The following TAFA4 variants were observed in gnomAD, a reference collection of about 807,000 sequenced individuals.
TAFA4 encodes the protein TAFA chemokine like family member 4.
Under a neutral mutation model 21.1 loss-of-function variants are expected in TAFA4, and 20 were observed. The observed-to-expected ratio is 0.95, with a 90% CI of 0.67 to 1.38. TAFA4 has a LOEUF of 1.38. TAFA4 is among the 40% of genes most tolerant of loss of function. The probability of loss-of-function intolerance (pLI) is 0.00; values close to 1 mark genes in which losing one functional copy is unlikely to be tolerated. For missense variants in TAFA4, 211 were observed against 180.9 expected, an observed-to-expected ratio of 1.17 and a Z score of -0.95; for synonymous variants, 71 against 67.4, an observed-to-expected ratio of 1.05 and a Z score of -0.26.
intron 5 of TAFA4, among the ~76,000 whole-genome samples, chr3:68,737,303 G>C (rs1702261310): frequency 6.6e-6 from 1 of 152,122 alleles, no homozygotes; most frequent in African/African-American, 2.4e-5. Context: ...TCTTAAGGCA[G>C]GGTTTGCTTA....
intron 3 of TAFA4, among the ~76,000 whole-genome samples, chr3:68,831,892 T>A (rs964061115): frequency 6.6e-6 from 1 of 152,194 alleles, no homozygotes; most frequent in South Asian, 2.1e-4. Flanking sequence ...TTTTCACTCT[T>A]CTTTAATCTT....
chr3:68,802,778 C>T (rs1703603742), intron 3 of TAFA4, among the ~76,000 whole-genome samples: 1 of 152,160 alleles, frequency 6.6e-6, no homozygotes, highest in South Asian at 2.1e-4. Flanking sequence ...CATAGAACAT[C>T]CGAGAAATCA....
chr3:68,873,841 C>G (rs2089516577), intron 3 of TAFA4, among the ~76,000 whole-genome samples: 1 of 152,140 alleles, frequency 6.6e-6, no homozygotes, highest in Admixed American at 6.6e-5. Flanking sequence ...CTCTTGACTC[C>G]TTTATGCACA....
intron 3 of TAFA4, among the ~76,000 whole-genome samples, chr3:68,845,526 T>A (rs1041753569): frequency 6.6e-6 from 1 of 152,210 alleles, no homozygotes; most frequent in Non-Finnish European, 1.5e-5. Flanking sequence ...ACATTTAAGG[T>A]TAATATTGTT....
intron 1 of TAFA4, among the ~76,000 whole-genome samples, chr3:68,891,794 G>A (rs939673710): frequency 2.0e-5 from 3 of 152,138 alleles, no homozygotes; most frequent in South Asian, 2.1e-4. Context: ...TAGAAATCTC[G>A]AAGCAGAACT....
At chr3:68,922,395 G>C (rs146291360) in intron 1 of TAFA4, among the ~76,000 whole-genome samples, 3 of 151,966 alleles carry the variant, frequency 2.0e-5, no homozygotes, top group Non-Finnish European at 2.9e-5. Context: ...TTTGGGGACC[G>C]GTATACCAAA....
chr3:68,741,364 T>C (rs557481327), intron 4 of TAFA4, among the ~76,000 whole-genome samples: 4 of 152,234 alleles, frequency 2.6e-5, no homozygotes, highest in Non-Finnish European at 5.9e-5. Context: ...AAGTGTTTTA[T>C]ATTTTTTGAT....
intron 3 of TAFA4, among the ~76,000 whole-genome samples, chr3:68,852,901 C>T (rs978149198): frequency 6.6e-6 from 1 of 152,130 alleles, no homozygotes; most frequent in African/African-American, 2.4e-5. Context: ...AAATCTACCT[C>T]ATCTACCTCA....
intron 3 of TAFA4, among the ~76,000 whole-genome samples, chr3:68,779,007 C>T (rs1001971100): frequency 5.3e-5 from 8 of 152,054 alleles, no homozygotes; most frequent in South Asian, 4.1e-4. Context: ...ATGCTGATAG[C>T]GATAAGGACA....
At chr3:68,736,528 G>A (rs1702243954) in intron 5 of TAFA4, among the ~76,000 whole-genome samples, 1 of 152,052 alleles carries the variant, frequency 6.6e-6, no homozygotes, top group South Asian at 2.1e-4. Flanking sequence ...TGACTTACTG[G>A]AGACCATCTT....
intron 4 of TAFA4, among the ~76,000 whole-genome samples, chr3:68,747,015 C>G (rs955630274): frequency 6.6e-6 from 1 of 152,140 alleles, no homozygotes; most frequent in Non-Finnish European, 1.5e-5. Context: ...GTCAAATATC[C>G]CCAAGGGGGC....
intron 5 of TAFA4, among the ~76,000 whole-genome samples, chr3:68,733,696 T>C (rs1226079032): frequency 2.0e-5 from 3 of 152,190 alleles, no homozygotes; most frequent in Non-Finnish European, 4.4e-5. Flanking sequence ...TTTCTATTCA[T>C]GTAAGAAATT....
intron 3 of TAFA4, among the ~76,000 whole-genome samples, chr3:68,792,311 CAT>C (rs1454034416): frequency 6.6e-6 from 1 of 152,112 alleles, no homozygotes; most frequent in African/African-American, 2.4e-5. Flanking sequence ...TATGATTATA[CAT>C]ATAGACTCAC....
chr3:68,752,469 A>G (rs1208680086), intron 4 of TAFA4, among the ~76,000 whole-genome samples: 2 of 152,220 alleles, frequency 1.3e-5, no homozygotes, highest in African/African-American at 2.4e-5. Flanking sequence ...TAGAAATAAA[A>G]GACAGGATAC....
intron 1 of TAFA4, among the ~76,000 whole-genome samples, chr3:68,918,338 T>C (rs1313578138): frequency 3.3e-5 from 5 of 152,220 alleles, no homozygotes; most frequent in African/African-American, 1.2e-4. Flanking sequence ...CCTCTGACCC[T>C]ACTTCTAATG....
chr3:68,736,392 A>G (rs1702241591), intron 5 of TAFA4, among the ~76,000 whole-genome samples: 1 of 152,120 alleles, frequency 6.6e-6, no homozygotes, highest in African/African-American at 2.4e-5. Flanking sequence ...TATACCTGGA[A>G]AAGATAACTA....
intron 1 of TAFA4, among the ~76,000 whole-genome samples, chr3:68,915,249 C>T (rs1358134618): frequency 1.3e-5 from 2 of 152,196 alleles, no homozygotes; most frequent in Non-Finnish European, 2.9e-5. Flanking sequence ...TTAGGACAAG[C>T]TCTGGCCCAA....
intron 3 of TAFA4, among the ~76,000 whole-genome samples, chr3:68,778,428 A>C (rs1301986267): frequency 1.3e-5 from 2 of 152,214 alleles, no homozygotes; most frequent in Admixed American, 6.5e-5. Context: ...ACTAAAAGAA[A>C]TAGACAAGCA....
chr3:68,876,774 G>T (rs2089554228), intron 3 of TAFA4, among the ~76,000 whole-genome samples: 1 of 151,650 alleles, frequency 6.6e-6, no homozygotes, highest in Admixed American at 6.6e-5. Flanking sequence ...CCATAAATTT[G>T]AACAGTACAG....
Sources: allele counts gnomAD v4.1 joint callset (sites outside exome capture counted in the v4.1 genomes callset), GRCh38; gene constraint gnomAD v4.1.1; transcripts MANE v1.5; gene names NCBI Gene and HGNC (gene_info 2026-07-23, HGNC 2026-07-21).